The following SF3B2 variants were observed in gnomAD, a reference collection of about 807,000 sequenced individuals.
The protein encoded by SF3B2 is splicing factor 3b subunit 2, also known as SAP 145.
In SF3B2, 22 loss-of-function variants were observed where a neutral mutation model predicts 116.3. That is an observed-to-expected ratio of 0.19 (90% CI 0.14 to 0.27). SF3B2 has a LOEUF of 0.27. Among genes scored for constraint, SF3B2 ranks in the 10% least tolerant of loss-of-function variants. SF3B2 has a pLI of 1.00. For synonymous variants in SF3B2, 406 were observed against 421.6 expected (o/e 0.96, Z 0.45); for missense variants, 767 against 1,151.4 (o/e 0.67, Z 4.83).
intron 8 of SF3B2, 56 bp downstream of exon 8, chr11:66,058,206 G>T: frequency 1.9e-6 from 3 of 1,581,964 alleles, no homozygotes; most frequent in African/African-American, 2.7e-5. Context: ...GCTGAGCTGA[G>T]TCCTCATCCC....
chr11:66,053,659 T>C (rs1178616362), intron 3 of SF3B2: 1 of 134,810 alleles, frequency 7.4e-6, no homozygotes, highest in Non-Finnish European at 1.5e-5. Context: ...CCATCCTGGG[T>C]GACAGAATGA....
In SF3B2 at chr11:66,059,027, G is replaced by C; in HGVS notation, c.1164G>C (p.Arg388Ser). Residue 388 changes from arginine (R) to serine (S), a missense_variant, in exon 10 of 22, where the codon AGG becomes AGC. This residue lies in a region of SF3B2 where 455 missense variants were observed against 537.5 expected (regional missense o/e 0.85). Transcript: ENST00000322535. The surrounding 1 kb of genome is among the most constrained non-coding windows in gnomAD (Gnocchi z 5.0). ...IYEPNFIFFK[R>S]IFEAFKLTDD... ...AGCCCAACTTTATCTTCTTTAAGAG[G>C]ATCTTTGAGGCTTTTAAGGTACAAG... The C allele has an allele frequency of 6.2e-7, 1 of 1,613,974 alleles. No individual in the cohort carries two copies. The highest frequency in any genetic ancestry group is 8.5e-7 in the Non-Finnish European group (1 of 1,179,940).
rs1388990059 is a variant in SF3B2 at position 66,068,654 on chromosome 11, GTC to G, written c.2617-16_2617-15del. On this transcript the variant is annotated intron_variant, in intron 21 of 21. Coordinates refer to ENST00000322535, the MANE Select transcript of SF3B2 (RefSeq NM_006842.3). ...GGTGGTTCAACCTGTCTTAACCTGT[GTC>G]TCTTTCTCCCTATACAGCAAAAAAA... 5 of 1,612,746 alleles carry G rather than the reference GTC, an allele frequency of 3.1e-6. No individual in the cohort carries two copies. The highest frequency in any genetic ancestry group is 4.2e-6 in the Non-Finnish European group (5 of 1,179,050).
intron 2 of SF3B2, 60 bp downstream of exon 2, chr11:66,052,779 C>T: frequency 6.7e-7 from 1 of 1,496,110 alleles, no homozygotes; most frequent in Non-Finnish European, 9.0e-7. Flanking sequence ...CCTTATATAC[C>T]CCATCACGGC....
chr11:66,055,504 G>A, intron 4 of SF3B2, 31 bp from the exon 5 acceptor site: 3 of 1,613,686 alleles, frequency 1.9e-6, no homozygotes, highest in Non-Finnish European at 1.7e-6. Context: ...TTGGGTATTG[G>A]TGCTGGTATG....
At position 66,069,199 on chromosome 11, in the gene SF3B2, T is replaced by C; in HGVS notation, c.*454T>C. 1 of 358,198 alleles carries C rather than the reference T, an allele frequency of 2.8e-6. No individual in the cohort carries two copies. The highest frequency in any genetic ancestry group is 2.0e-5 in the South Asian group (1 of 49,362). 22.2% of individuals were successfully genotyped at this position (358,198 alleles called of 1,614,324 possible). Reference sequence around the variant, plus strand: ...CCTAGCGCGGCAGAGGAAGTAACAGTGGGCTTGGGAAGTAGGCCAGGGCAG... The same window carrying C: ...CCTAGCGCGGCAGAGGAAGTAACAGCGGGCTTGGGAAGTAGGCCAGGGCAG... On this transcript the variant is annotated 3_prime_UTR_variant, in exon 22 of 22. Transcript: ENST00000322535.
chr11:66,056,459 G>T (rs1031886981), intron 5 of SF3B2, among the ~76,000 whole-genome samples: 2 of 149,328 alleles, frequency 1.3e-5, no homozygotes, highest in African/African-American at 4.9e-5. Context: ...TACTGTCTTT[G>T]CCCAGATTGT....
intron 19 of SF3B2, 134 bp downstream of exon 19, chr11:66,063,863 G>A (rs1220754276): frequency 1.6e-5 from 10 of 608,124 alleles, no homozygotes; most frequent in Middle Eastern, 4.6e-4. Flanking sequence ...ACTACTGTAG[G>A]CAGTGAGGAG....
At position 66,059,410 on chromosome 11, in the gene SF3B2, C is replaced by T. The variant is rs933229278; in HGVS notation, c.1320+72C>T. 2.5e-6 allele frequency: 4 copies of T among 1,608,746 alleles called. No individual in the cohort carries two copies. The East Asian group carries it at 8.9e-5, about 36-fold the overall frequency. On this transcript the variant is annotated intron_variant, in intron 11 of 21. Transcript: ENST00000322535. This position sits in a 1 kb window ranked among gnomAD's most constrained non-coding sequence, Gnocchi z 5.0. The stretch of plus-strand genomic sequence containing the variant: ...TGGCTGAGATGCATCCAGAGAGGGA[C>T]CATGGTGAACTCTTACAGAGCTTTG...
chr11:66,055,623 A>G, intron 5 of SF3B2, 38 bp downstream of exon 5: 1 of 1,601,634 alleles, frequency 6.2e-7, no homozygotes, highest in Non-Finnish European at 8.6e-7. Context: ...CTCGTGGTCC[A>G]GTCAGTTGGC....
At chr11:66,054,477 CAA>C (rs5792379) in intron 3 of SF3B2, among the ~76,000 whole-genome samples, 1,749 of 139,976 alleles carry the variant, frequency 0.012, 15 homozygotes, top group South Asian at 0.047. Context: ...ACTCTTGTCT[CAA>C]AAAAAAAAAA....
chr11:66,054,477 CA>C (rs5792379), intron 3 of SF3B2, among the ~76,000 whole-genome samples: 44,145 of 139,864 alleles, frequency 0.32, 6,853 homozygotes, highest in East Asian at 0.5. Flanking sequence ...ACTCTTGTCT[CA>C]AAAAAAAAAA....
At chr11:66,063,154 T>G (rs1477200138) in intron 17 of SF3B2, 38 bp downstream of exon 17, 2 of 1,465,380 alleles carry the variant, frequency 1.4e-6, no homozygotes, top group Non-Finnish European at 9.5e-7. Flanking sequence ...TTTTACTTAA[T>G]GTCATGAAGG....
chr11:66,068,724 A>G lies in SF3B2; in HGVS notation c.2667A>G (p.Lys889=). 1.2e-6 allele frequency: 2 copies of G among 1,614,084 alleles called. No homozygotes were observed. Among genetic ancestry groups the G allele is most frequent in the Non-Finnish European group, 1.7e-6 (2 of 1,179,998 alleles). The stretch of plus-strand genomic sequence containing the variant: ...AGGACAGCCGTGGGGGCAGCAAGAA[A>G]TATAAGGAGTTCAAGTTTTAGGTCC... ...QPQDSRGGSK[K]YKEFKF Residue 889 remains lysine, a synonymous_variant, in exon 22 of 22, where the codon AAA becomes AAG. Coordinates refer to ENST00000322535, the MANE Select transcript of SF3B2 (RefSeq NM_006842.3).
chr11:66,059,374 CTG>C lies in SF3B2; in HGVS notation c.1320+37_1320+38del. The C allele has an allele frequency of 6.2e-7, 1 of 1,613,244 alleles. No individual in the cohort carries two copies. The highest frequency in any genetic ancestry group is 8.5e-7 in the Non-Finnish European group (1 of 1,179,534). On this transcript the variant is annotated intron_variant, in intron 11 of 21. Coordinates refer to ENST00000322535, the MANE Select transcript of SF3B2 (RefSeq NM_006842.3). This position sits in a 1 kb window ranked among gnomAD's most constrained non-coding sequence, Gnocchi z 5.0. ...GCCCTCCTGGTGGGAAGCAGGGACT[CTG>C]GGCACAGGTGGCTGAGATGCATCCA...
intron 5 of SF3B2, among the ~76,000 whole-genome samples, chr11:66,056,302 A>C (rs530112827): frequency 4.9e-5 from 7 of 143,904 alleles, no homozygotes; most frequent in Non-Finnish European, 7.5e-5. Flanking sequence ...TGGGAGGCTG[A>C]GGTGGGAGGA....
intron 3 of SF3B2, chr11:66,053,311 T>G: frequency 1.7e-6 from 1 of 588,128 alleles, no homozygotes; most frequent in Non-Finnish European, 3.1e-6. Context: ...GGTACTGCCA[T>G]GACAGAATTG....
intron 19 of SF3B2, chr11:66,065,757 C>T (rs1009829865): frequency 6.6e-6 from 1 of 152,120 alleles, no homozygotes; most frequent in African/African-American, 2.4e-5. Flanking sequence ...TAACAGTAAT[C>T]CCATACAATA....
chr11:66,061,875 T>C lies in SF3B2; in HGVS notation c.1870-16T>C. On this transcript the variant is annotated splice_polypyrimidine_tract_variant and intron_variant, in intron 15 of 21. Coordinates refer to ENST00000322535, the MANE Select transcript of SF3B2 (RefSeq NM_006842.3). ...TAGGGTTTGGCAGATGGTATCCTGT[T>C]CTCTTTTTCCTGCAGAATGCCCACA... 6.2e-7 allele frequency: 1 copy of C among 1,610,724 alleles called. No homozygotes were observed. The highest frequency in any genetic ancestry group is 8.5e-7 in the Non-Finnish European group (1 of 1,177,254).
Sources: allele counts gnomAD v4.1 joint callset (sites outside exome capture counted in the v4.1 genomes callset), GRCh38; gene constraint gnomAD v4.1.1; regional missense constraint gnomAD v4.1.1; non-coding constraint Gnocchi (gnomAD v3.1); transcripts MANE v1.5; gene names NCBI Gene and HGNC (gene_info 2026-07-23, HGNC 2026-07-21).